Variants in PRKCH observed in about 807,000 individuals in gnomAD.
PRKCH encodes the protein protein kinase C eta type.
In PRKCH, 28 loss-of-function variants were observed where a neutral mutation model predicts 82.5. The ratio of observed to expected loss-of-function variants is 0.34; its 90% CI spans 0.25 to 0.47. The LOEUF (loss-of-function observed/expected upper bound fraction) is 0.47, where lower values mean the gene tolerates loss of function less well. PRKCH is among the 20% of genes least tolerant of loss of function. The pLI, the probability that PRKCH is intolerant of heterozygous loss-of-function variation, is 1.00. For synonymous variants in PRKCH, 322 were observed against 327.4 expected (o/e 0.98, Z 0.18); for missense variants, 705 against 881.8 (o/e 0.80, Z 2.54).
At chr14:61,255,328 A>C (rs913734021) in intron 1 of PRKCH, among the ~76,000 whole-genome samples, 1 of 152,190 alleles carries the variant, frequency 6.6e-6, no homozygotes, top group African/African-American at 2.4e-5. Context: ...GCCATATCTC[A>C]GCAGGGATCA....
chr14:61,267,717 C>T (rs1164220401), intron 1 of PRKCH, among the ~76,000 whole-genome samples: 1 of 152,164 alleles, frequency 6.6e-6, no homozygotes, highest in African/African-American at 2.4e-5. Flanking sequence ...TCAGTTAATG[C>T]CATCTTATGT....
intron 1 of PRKCH, among the ~76,000 whole-genome samples, chr14:61,245,388 C>T (rs1420070943): frequency 6.6e-6 from 1 of 152,144 alleles, no homozygotes; most frequent in Non-Finnish European, 1.5e-5. Flanking sequence ...AACTCAGTAT[C>T]CTACTCTTAC....
intron 1 of PRKCH, among the ~76,000 whole-genome samples, chr14:61,348,980 G>T (rs2046035041): frequency 1.3e-5 from 2 of 152,226 alleles, no homozygotes; most frequent in African/African-American, 2.4e-5. Flanking sequence ...ACACAGAAGT[G>T]TTCCCTGCTG....
At chr14:61,459,911 A>G (rs1245882242) in intron 9 of PRKCH, among the ~76,000 whole-genome samples, 1 of 152,158 alleles carries the variant, frequency 6.6e-6, no homozygotes, top group Non-Finnish European at 1.5e-5. Context: ...AGTGACGGTT[A>G]TGGCTCACTG....
intron 1 of PRKCH, among the ~76,000 whole-genome samples, chr14:61,269,596 A>G (rs548802344): frequency 1.3e-5 from 2 of 152,308 alleles, no homozygotes; most frequent in South Asian, 2.1e-4. Flanking sequence ...GCTTTCACTT[A>G]TAAGTGAGAA....
intron 2 of PRKCH, among the ~76,000 whole-genome samples, chr14:61,411,410 A>C (rs1185063375): frequency 6.6e-6 from 1 of 152,182 alleles, no homozygotes; most frequent in Non-Finnish European, 1.5e-5. Context: ...TGGATTTTTC[A>C]GTTTAAAACC....
chr14:61,261,099 A>G (rs2045039800), intron 1 of PRKCH, among the ~76,000 whole-genome samples: 1 of 152,182 alleles, frequency 6.6e-6, no homozygotes, highest in Non-Finnish European at 1.5e-5. Context: ...TACCACCACC[A>G]CCAACAAAAA....
At chr14:61,321,408 C>G (rs1168342103), upstream of PRKCH, among the ~76,000 whole-genome samples, 2 of 152,234 alleles carry the variant, frequency 1.3e-5, no homozygotes, top group African/African-American at 4.8e-5. This position sits in a 1 kb window ranked among gnomAD's most constrained non-coding sequence, Gnocchi z 4.1. Flanking sequence ...TGGCCCCTAA[C>G]CCGCAGCGCA....
intron 1 of PRKCH, among the ~76,000 whole-genome samples, chr14:61,196,866 T>G (rs1309829546): frequency 6.6e-6 from 1 of 152,200 alleles, no homozygotes; most frequent in Admixed American, 6.5e-5. Context: ...ATCAGTCTAT[T>G]CATCTTTTTT....
chr14:61,383,480 T>G (rs1189883998), intron 1 of PRKCH, among the ~76,000 whole-genome samples: 1 of 152,048 alleles, frequency 6.6e-6, no homozygotes, highest in African/African-American at 2.4e-5. Context: ...TAGATAAGTG[T>G]TAATAATAGT....
chr14:61,240,386 C>T lies in PRKCH; in HGVS notation c.-19+52718C>T, dbSNP rs552783459. 4.6e-5 allele frequency among the ~76,000 whole-genome samples: 7 copies of T among 152,080 alleles called. No homozygotes were observed. In the South Asian group the frequency reaches 8.3e-4, roughly 18 times the overall value. On this transcript the variant is annotated intron_variant, in intron 1 of 3. Coordinates refer to the PRKCH transcript ENST00000555185. ...CCAGCTGTGTCATTCATGTAGCCCTCGAAAAAACCCTCCCACCCTAGCTTT... is the reference window on the plus strand; with the variant it reads ...CCAGCTGTGTCATTCATGTAGCCCTTGAAAAAACCCTCCCACCCTAGCTTT...
At chr14:61,364,180 A>C (rs985766048) in intron 1 of PRKCH, among the ~76,000 whole-genome samples, 1 of 151,512 alleles carries the variant, frequency 6.6e-6, no homozygotes, top group African/African-American at 2.4e-5. Context: ...GCCTGGAGAC[A>C]CTTTTAGGAG....
intron 1 of PRKCH, among the ~76,000 whole-genome samples, chr14:61,294,791 G>A (rs1171969418): frequency 2.6e-5 from 4 of 151,400 alleles, no homozygotes; most frequent in Non-Finnish European, 4.4e-5. Flanking sequence ...TGCACCCCCC[G>A]CAAAAAAAAT....
At chr14:61,462,139 G>A (rs1885055283) in intron 9 of PRKCH, among the ~76,000 whole-genome samples, 1 of 152,172 alleles carries the variant, frequency 6.6e-6, no homozygotes, top group African/African-American at 2.4e-5. Context: ...GCTGGGCGCA[G>A]GCAGCACTTT....
intron 5 of PRKCH, among the ~76,000 whole-genome samples, chr14:61,450,204 A>G (rs1439778768): frequency 6.6e-6 from 1 of 152,226 alleles, no homozygotes; most frequent in Non-Finnish European, 1.5e-5. Context: ...CTTGTCATGC[A>G]TGGATCTGTT....
chr14:61,354,498 A>G (rs1358507722), intron 1 of PRKCH, among the ~76,000 whole-genome samples: 2 of 150,190 alleles, frequency 1.3e-5, no homozygotes, highest in Admixed American at 6.6e-5. Context: ...TTTTCCCCCT[A>G]TATTTAGGGG....
chr14:61,485,160 C>T (rs1195411019), intron 9 of PRKCH, among the ~76,000 whole-genome samples: 7 of 152,164 alleles, frequency 4.6e-5, no homozygotes, highest in Non-Finnish European at 1.0e-4. Flanking sequence ...AGATTAAAGG[C>T]ATTTACCTTT....
intron 1 of PRKCH, among the ~76,000 whole-genome samples, chr14:61,238,553 C>T (rs1029744750): frequency 2.0e-5 from 3 of 152,126 alleles, no homozygotes; most frequent in Non-Finnish European, 4.4e-5. Context: ...TTGTTTTGAC[C>T]CCACACATTT....
Position 61,220,126 on chromosome 14 carries a change from G to A in PRKCH, c.-19+32458G>A, listed in dbSNP as rs371905941. Reference sequence around the variant, plus strand: ...ACAGTCCCAGGGCCTCACCATCCCTGCTTTCTCCCAAACCAAATCTGCTCC... The same window carrying A: ...ACAGTCCCAGGGCCTCACCATCCCTACTTTCTCCCAAACCAAATCTGCTCC... On this transcript the variant is annotated intron_variant, in intron 1 of 3. Transcript: ENST00000555185. Among the ~76,000 whole-genome samples, 24 of 152,268 alleles carry A rather than the reference G, an allele frequency of 1.6e-4. No homozygotes were observed. In the East Asian group the frequency reaches 4.4e-3, roughly 28 times the overall value.
Sources: allele counts gnomAD v4.1 joint callset (sites outside exome capture counted in the v4.1 genomes callset), GRCh38; gene constraint gnomAD v4.1.1; non-coding constraint Gnocchi (gnomAD v3.1); transcripts MANE v1.5; gene names NCBI Gene and HGNC (gene_info 2026-07-23, HGNC 2026-07-21).